KLF8: variants seen among roughly 807,000 people sequenced by gnomAD.
KLF8 encodes the protein Krueppel-like factor 8.
KLF8 carries 10 observed loss-of-function variants against 18.2 expected under a neutral mutation model. The ratio of observed to expected loss-of-function variants is 0.55; its 90% CI spans 0.34 to 0.93. KLF8 has a LOEUF of 0.93. Among genes scored for constraint, KLF8 ranks in the 40% least tolerant of loss-of-function variants. The probability of loss-of-function intolerance (pLI) is 0.02; values close to 1 mark genes in which losing one functional copy is unlikely to be tolerated. For missense variants in KLF8, 264 were observed against 277.9 expected (o/e 0.95, Z 0.36); for synonymous variants, 109 against 97.3 (o/e 1.12, Z -0.71).
chrX:55,922,414 A>G, the KLF8 span, among the ~76,000 whole-genome samples: 1 of 112,368 alleles, frequency 8.9e-6, no homozygotes, highest in Admixed American at 9.4e-5. Context: ...TGAACAATGA[A>G]AATGCATGGA....
At chrX:56,066,339 G>A in the KLF8 span, among the ~76,000 whole-genome samples, 11 of 112,294 alleles carry the variant, frequency 9.8e-5, no homozygotes, top group Admixed American at 4.7e-4. Flanking sequence ...CTCTGCAGGG[G>A]CATAGTTGGG....
the KLF8 span, among the ~76,000 whole-genome samples, chrX:55,947,918 A>G: frequency 8.9e-6 from 1 of 112,459 alleles, no homozygotes; most frequent in African/African-American, 3.2e-5. Context: ...AATACAGTGT[A>G]CATTTTTGCT....
rs190817020 is a variant in KLF8 at position 56,249,859 on chromosome X, T to C, written c.8-372T>C. Among the ~76,000 whole-genome samples the C allele has an allele frequency of 1.6e-4, 18 of 111,680 alleles. No individual in the cohort carries two copies. In the East Asian group the frequency reaches 2.5e-3, roughly 16 times the overall value. On this transcript the variant is annotated intron_variant, in intron 1 of 5. Transcript: ENST00000468660. ...TCTAGAGAGATTTGGCCTTGATGTG[T>C]AAATAAGTTCACTCGGGTAAATATA...
the KLF8 span, among the ~76,000 whole-genome samples, chrX:56,139,432 T>C: frequency 1.8e-5 from 2 of 111,782 alleles, no homozygotes; most frequent in Middle Eastern, 4.6e-3. Flanking sequence ...CAAAATAGCA[T>C]GGTGCTGGTG....
the KLF8 span, among the ~76,000 whole-genome samples, chrX:56,041,211 A>G: frequency 2.8e-5 from 3 of 107,514 alleles, no homozygotes; most frequent in Non-Finnish European, 5.8e-5. Flanking sequence ...TGCCACCTCC[A>G]CTCCCGGGTT....
the KLF8 span, among the ~76,000 whole-genome samples, chrX:56,038,234 T>A: frequency 8.9e-6 from 1 of 112,000 alleles, no homozygotes; most frequent in South Asian, 3.8e-4. Context: ...TTATTTTAAG[T>A]TCATGGGTAT....
chrX:56,170,708 A>G, the KLF8 span, among the ~76,000 whole-genome samples: 8 of 111,326 alleles, frequency 7.2e-5, no homozygotes, highest in East Asian at 2.3e-3. Context: ...TAGCTTCAAA[A>G]GGGCAAATCA....
the KLF8 span, among the ~76,000 whole-genome samples, chrX:56,187,764 G>GA: frequency 1.8e-5 from 2 of 110,682 alleles, no homozygotes; most frequent in African/African-American, 3.3e-5. Context: ...CAGAACCAAA[G>GA]AAAAAAACCA....
chrX:56,203,757 G>T, the KLF8 span, among the ~76,000 whole-genome samples: 10 of 111,125 alleles, frequency 9.0e-5, no homozygotes, highest in African/African-American at 1.3e-4. Context: ...TTTTTTTCTG[G>T]GTTTGCTATT....
the KLF8 span, among the ~76,000 whole-genome samples, chrX:56,028,340 C>G: frequency 8.9e-6 from 1 of 111,953 alleles, no homozygotes; most frequent in African/African-American, 3.3e-5. Context: ...AAACCCACAG[C>G]TCCTAGAAAT....
At chrX:56,010,260 C>T in the KLF8 span, among the ~76,000 whole-genome samples, 1 of 111,927 alleles carries the variant, frequency 8.9e-6, no homozygotes, top group African/African-American at 3.2e-5. Context: ...TAAAGGCAGA[C>T]CTGTCAGCAG....
the KLF8 span, among the ~76,000 whole-genome samples, chrX:56,195,923 A>G: frequency 1.8e-5 from 2 of 112,137 alleles, no homozygotes; most frequent in East Asian, 5.6e-4. Context: ...GTGGGGGCCA[A>G]CACTCAACAT....
At chrX:56,047,774 T>A in the KLF8 span, among the ~76,000 whole-genome samples, 1 of 111,548 alleles carries the variant, frequency 9.0e-6, no homozygotes, top group African/African-American at 3.3e-5. Flanking sequence ...CCTTTGAGTA[T>A]ATGCCTAGTA....
At chrX:56,182,398 G>T in the KLF8 span, among the ~76,000 whole-genome samples, 2 of 111,828 alleles carry the variant, frequency 1.8e-5, no homozygotes, top group South Asian at 7.5e-4. Flanking sequence ...TCTTAGTCGT[G>T]GGTTTGAACA....
the KLF8 span, among the ~76,000 whole-genome samples, chrX:56,115,146 G>A: frequency 5.4e-5 from 6 of 110,664 alleles, no homozygotes; most frequent in African/African-American, 1.6e-4. Flanking sequence ...AGGCACGCTG[G>A]CATGTGCCTG....
At chrX:56,034,957 G>A in the KLF8 span, among the ~76,000 whole-genome samples, 23 of 107,846 alleles carry the variant, frequency 2.1e-4, no homozygotes, top group Non-Finnish European at 4.0e-4. Flanking sequence ...GGGTTTCACC[G>A]TGTTAGCCAG....
chrX:55,938,347 C>T, the KLF8 span, among the ~76,000 whole-genome samples: 3 of 111,317 alleles, frequency 2.7e-5, no homozygotes, highest in Non-Finnish European at 3.8e-5. Flanking sequence ...TACCACCAGG[C>T]CTGCCCTAAA....
the KLF8 span, among the ~76,000 whole-genome samples, chrX:56,220,585 A>T: frequency 9.0e-6 from 1 of 111,354 alleles, no homozygotes; most frequent in East Asian, 2.8e-4. Context: ...TCCCAGGTTC[A>T]AGCGATTCTC....
the KLF8 span, among the ~76,000 whole-genome samples, chrX:55,939,992 T>C: frequency 1.8e-5 from 2 of 111,438 alleles, no homozygotes; most frequent in African/African-American, 3.3e-5. Context: ...TTCCAATCAA[T>C]AGAAAAAGAG....
Sources: allele counts gnomAD v4.1 joint callset (sites outside exome capture counted in the v4.1 genomes callset), GRCh38; gene constraint gnomAD v4.1.1; transcripts MANE v1.5; gene names NCBI Gene and HGNC (gene_info 2026-07-23, HGNC 2026-07-21).